The following STPG2 variants were observed in gnomAD, a reference collection of about 807,000 sequenced individuals.
STPG2 encodes the protein sperm-tail PG-rich repeat-containing protein 2.
Under a neutral mutation model 54.2 loss-of-function variants are expected in STPG2, and 56 were observed. That is an observed-to-expected ratio of 1.03 (90% CI 0.83 to 1.29). STPG2 has a LOEUF of 1.29. Ranked by LOEUF, STPG2 falls within the 50% of genes most tolerant of loss-of-function variation. The pLI, the probability that STPG2 is intolerant of heterozygous loss-of-function variation, is 0.00. For synonymous variants in STPG2, 200 were observed against 181.8 expected (o/e 1.10, Z -0.81); for missense variants, 596 against 544.9 (o/e 1.09, Z -0.93).
intron 5 of STPG2, among the ~76,000 whole-genome samples, chr4:98,040,031 A>T (rs13124689): frequency 0.39 from 59,821 of 151,592 alleles, 12,025 homozygotes; most frequent in Middle Eastern, 0.46. Context: ...TGGTGTAAGA[A>T]AATATCTCAT....
chr4:98,034,496 T>C (rs1560647774), intron 5 of STPG2, among the ~76,000 whole-genome samples: 1 of 152,150 alleles, frequency 6.6e-6, no homozygotes, highest in African/African-American at 2.4e-5. Flanking sequence ...ATAGGAAGAA[T>C]CAATATTGTG....
At chr4:97,719,163 A>T (rs980593007) in intron 9 of STPG2, among the ~76,000 whole-genome samples, 29 of 151,934 alleles carry the variant, frequency 1.9e-4, no homozygotes, top group Non-Finnish European at 3.2e-4. Context: ...TAACAGTGGA[A>T]TTTTTTACAT....
At chr4:97,538,532 T>C (rs1731598708) in intron 4 of STPG2, among the ~76,000 whole-genome samples, 2 of 152,248 alleles carry the variant, frequency 1.3e-5, no homozygotes, top group Non-Finnish European at 2.9e-5. Flanking sequence ...CCAAGAAATA[T>C]GGGACTATGT....
intron 10 of STPG2, among the ~76,000 whole-genome samples, chr4:97,566,416 C>T (rs981820097): frequency 3.3e-5 from 5 of 152,184 alleles, no homozygotes; most frequent in South Asian, 2.1e-4. Context: ...CGCCCTGCTT[C>T]GGCTAGCACA....
intron 7 of STPG2, among the ~76,000 whole-genome samples, chr4:97,946,648 G>A (rs184398353): frequency 1.3e-5 from 2 of 152,044 alleles, no homozygotes; most frequent in South Asian, 2.1e-4. Context: ...ATTGAATAGG[G>A]TGTCCATTCC....
chr4:97,919,294 A>G (rs991911735), intron 8 of STPG2, among the ~76,000 whole-genome samples: 1 of 151,308 alleles, frequency 6.6e-6, no homozygotes, highest in Non-Finnish European at 1.5e-5. Flanking sequence ...AAGAAACTAG[A>G]AAAAAAACAA....
At chr4:97,957,247 C>T (rs1733714223) in intron 7 of STPG2, among the ~76,000 whole-genome samples, 1 of 144,298 alleles carries the variant, frequency 6.9e-6, no homozygotes, top group African/African-American at 2.5e-5. Flanking sequence ...ATCAAAACTT[C>T]AGTAAACAAT....
intron 9 of STPG2, among the ~76,000 whole-genome samples, chr4:97,739,179 C>A (rs970477649): frequency 1.3e-5 from 2 of 151,980 alleles, no homozygotes; most frequent in Admixed American, 6.6e-5. Flanking sequence ...AACAAAGACA[C>A]AACATACCAG....
intron 9 of STPG2, among the ~76,000 whole-genome samples, chr4:97,746,342 C>T (rs957528260): frequency 6.0e-5 from 9 of 151,214 alleles, no homozygotes; most frequent in South Asian, 4.1e-4. Context: ...AATTTTAAAG[C>T]TAAAAGTACT....
rs540088608 is a variant in STPG2, at chr4:97,484,992, T to C, written c.462+227707A>G. Among the ~76,000 whole-genome samples the C allele has an allele frequency of 3.3e-5, 5 of 151,980 alleles. No homozygotes were observed. The East Asian group carries it at 9.7e-4, about 29-fold the overall frequency. On this transcript the variant is annotated intron_variant, in intron 4 of 4. Coordinates refer to the STPG2 transcript ENST00000522676. ...CATTTCACTAGATGCAGAAAAAGCA[T>C]TTGACAACATCCAGCATCCCTTGAT...
chr4:97,840,700 T>C, intron 9 of STPG2, 73 bp downstream of exon 9: 3 of 1,498,686 alleles, frequency 2.0e-6, no homozygotes, highest in Non-Finnish European at 2.7e-6. Context: ...AACCTATCAA[T>C]GATTCTAGAT....
At chr4:97,764,744 C>T (rs1411848972) in intron 9 of STPG2, among the ~76,000 whole-genome samples, 2 of 151,610 alleles carry the variant, frequency 1.3e-5, no homozygotes, top group African/African-American at 4.8e-5. Context: ...TTCTTTCTAC[C>T]CTTTCCCTTA....
At chr4:97,906,532 C>T (rs1731431010) in intron 8 of STPG2, among the ~76,000 whole-genome samples, 1 of 152,154 alleles carries the variant, frequency 6.6e-6, no homozygotes, top group African/African-American at 2.4e-5. Flanking sequence ...CAGTATCATC[C>T]TGATACCAAA....
chr4:97,775,146 C>G lies in STPG2; in HGVS notation c.1205-62332G>C, dbSNP rs1231475091. Among the ~76,000 whole-genome samples, 3 of 152,034 alleles carry G rather than the reference C, an allele frequency of 2.0e-5. No homozygotes were observed. The East Asian group carries it at 5.8e-4, about 29-fold the overall frequency. ...CGCATAAATAGAAAGGAATGTAAAG[C>G]ATATGATAGAGAAAGGGTAGATTAC... On this transcript the variant is annotated intron_variant, in intron 9 of 10. Transcript: ENST00000295268.
intron 8 of STPG2, among the ~76,000 whole-genome samples, chr4:97,872,446 G>C (rs1413436159): frequency 1.3e-5 from 2 of 150,828 alleles, no homozygotes; most frequent in African/African-American, 2.4e-5. Flanking sequence ...TTAACACACA[G>C]AAACAAATAT....
intron 8 of STPG2, among the ~76,000 whole-genome samples, chr4:97,849,050 G>A (rs1286997965): frequency 1.3e-5 from 2 of 151,270 alleles, no homozygotes; most frequent in African/African-American, 4.9e-5. Context: ...GTCATTGGTA[G>A]CTTGATGGGG....
chr4:98,011,342 T>C (rs992511832), intron 5 of STPG2, among the ~76,000 whole-genome samples: 1 of 152,228 alleles, frequency 6.6e-6, no homozygotes, highest in African/African-American at 2.4e-5. Flanking sequence ...TGCCACATTT[T>C]TTTTATCCAG....
chr4:97,544,348 T>C (rs892817899), intron 4 of STPG2, among the ~76,000 whole-genome samples: 1 of 151,982 alleles, frequency 6.6e-6, no homozygotes, highest in Non-Finnish European at 1.5e-5. Flanking sequence ...TATTGTGGGA[T>C]TTATGTGTTA....
chr4:97,500,762 T>C (rs1730707645), intron 4 of STPG2, among the ~76,000 whole-genome samples: 1 of 151,996 alleles, frequency 6.6e-6, no homozygotes, highest in Non-Finnish European at 1.5e-5. Context: ...GGACCGAGAA[T>C]TGACCACTGA....
Sources: gnomAD v4.1 joint callset for allele counts (sites outside exome capture counted in the v4.1 genomes callset) on GRCh38, gnomAD v4.1.1 for gene constraint, MANE v1.5 for transcripts, NCBI Gene and HGNC (gene_info 2026-07-23, HGNC 2026-07-21) for gene names.